The following HHATL variants were observed in gnomAD, a reference collection of about 807,000 sequenced individuals.
HHATL encodes the protein hedgehog acyltransferase like.
Under a neutral mutation model 59.7 loss-of-function variants are expected in HHATL, and 49 were observed. The ratio of observed to expected loss-of-function variants is 0.82; its 90% CI spans 0.65 to 1.04. HHATL has a LOEUF of 1.04. HHATL is among the 50% of genes least tolerant of loss of function. HHATL has a pLI of 0.00. For missense variants in HHATL, 605 were observed against 650.8 expected (o/e 0.93, Z 0.77); for synonymous variants, 238 against 257.3 (o/e 0.93, Z 0.72).
intron 9 of HHATL, among the ~76,000 whole-genome samples, chr3:42,694,949 C>T (rs1321207867): frequency 4.6e-5 from 7 of 152,220 alleles, no homozygotes; most frequent in African/African-American, 9.6e-5. Context: ...CCCCACTAGA[C>T]TGTAAGCTCC....
In HHATL at chr3:42,697,589, C is replaced by T. The variant is rs746586026; in HGVS notation, c.784G>A (p.Asp262Asn). Reference sequence around the variant, plus strand: ...ATGTAGAAGAAGTGAAAGAAGATGTCGACGGCCATGATGGCCACCACGCTT... The same window carrying T: ...ATGTAGAAGAAGTGAAAGAAGATGTTGACGGCCATGATGGCCACCACGCTT... Reference protein sequence around the residue: ...GLSVVAIMAVDIFFHFFYILT... With the variant: ...GLSVVAIMAVNIFFHFFYILT... Residue 262 changes from aspartate (D) to asparagine (N), a missense_variant, in exon 7 of 12, where the codon GAC (aspartate) becomes AAC (asparagine). Coordinates refer to ENST00000441594, the MANE Select transcript of HHATL (RefSeq NM_020707.4). 2.3e-5 allele frequency: 37 copies of T among 1,614,002 alleles called. No homozygotes were observed. Among genetic ancestry groups the T allele is most frequent in the South Asian group, 1.4e-4 (13 of 91,082 alleles).
At chr3:42,697,448 G>A in intron 7 of HHATL, 60 bp downstream of exon 7, 2 of 1,555,348 alleles carry the variant, frequency 1.3e-6, no homozygotes, top group African/African-American at 1.4e-5. Context: ...CCGTGGGGGT[G>A]CAGAGGGTCT....
chr3:42,700,318 G>A (rs953694209), intron 2 of HHATL, among the ~76,000 whole-genome samples: 4 of 147,676 alleles, frequency 2.7e-5, no homozygotes, highest in South Asian at 2.2e-4. Flanking sequence ...GGGGGTGTGT[G>A]TATATGTCTG....
At chr3:42,694,025 GTTTAC>G in intron 9 of HHATL, 1 of 589,374 alleles carries the variant, frequency 1.7e-6, no homozygotes, top group Non-Finnish European at 3.0e-6. Flanking sequence ...ATCTCTGTTC[GTTTAC>G]TTCCCAAATG....
Position 42,693,440 on chromosome 3 carries a change from A to G in HHATL, c.1248+177T>C, listed in dbSNP as rs1697443282. 4.0e-6 allele frequency: 3 copies of G among 752,768 alleles called. No homozygotes were observed. In the East Asian group the frequency reaches 8.1e-5, roughly 20 times the overall value. 46.6% of individuals were successfully genotyped at this position (752,768 alleles called of 1,614,324 possible). ...GCAAGGCCCAGGTGCTCCATTCCTC[A>G]TAGAAGGGAGGGAGGGGCAGATTCC... On this transcript the variant is annotated intron_variant, in intron 10 of 11. Transcript: ENST00000441594.
rs1286775845 is a variant in HHATL, at chr3:42,699,772, T to G, written c.160A>C (p.Ile54Leu). 6.3e-7 allele frequency: 1 copy of G among 1,580,868 alleles called. No homozygotes were observed. Among genetic ancestry groups the G allele is most frequent in the South Asian group, 1.2e-5 (1 of 86,224 alleles). ...GGGGGACCTACCATCTTCCGGCCAA[T>G]GTACTCCCAGCCAGGTCGCACAGAC... ...RESVRPGWEY[I>L]GRKMDVADFE... Residue 54 changes from isoleucine to leucine, a missense_variant, in exon 3 of 12, where the codon ATT becomes CTT. By Grantham distance (5) the Ile-to-Leu change is conservative. Transcript: ENST00000441594.
intron 10 of HHATL, 39 bp downstream of exon 10, chr3:42,693,578 T>A: frequency 6.4e-7 from 1 of 1,573,024 alleles, no homozygotes; most frequent in Non-Finnish European, 8.7e-7. Context: ...CCGCCCTCTA[T>A]GACCCAGCCA....
At chr3:42,702,148 C>T (rs1388405173) in intron 1 of HHATL, among the ~76,000 whole-genome samples, 1 of 152,256 alleles carries the variant, frequency 6.6e-6, no homozygotes, top group Non-Finnish European at 1.5e-5. Context: ...AGGCTGCCAG[C>T]CTGATGGCTG....
At chr3:42,698,078 G>T in intron 6 of HHATL, 64 bp downstream of exon 6, 1 of 1,500,034 alleles carries the variant, frequency 6.7e-7, no homozygotes. Context: ...TATCTGAGAT[G>T]GAAACCCCAA....
intron 9 of HHATL, 22 bp downstream of exon 9, chr3:42,696,819 AC>A (rs1391206940): frequency 4.3e-6 from 7 of 1,611,892 alleles, no homozygotes; most frequent in Non-Finnish European, 5.9e-6. Flanking sequence ...GGCTGTGACC[AC>A]CCCCACCCCA....
intron 6 of HHATL, among the ~76,000 whole-genome samples, chr3:42,697,906 G>A (rs339688): frequency 0.064 from 9,768 of 152,194 alleles, 999 homozygotes; most frequent in African/African-American, 0.22. Flanking sequence ...GGGAACATTC[G>A]TGGCCTGGGA....
intron 6 of HHATL, 140 bp from the exon 7 acceptor site, chr3:42,697,819 A>G (rs1575237836): frequency 3.3e-6 from 3 of 904,566 alleles, no homozygotes; most frequent in Non-Finnish European, 4.9e-6. Context: ...GACAGAGGTC[A>G]CCCTGGAGTC....
intron 2 of HHATL, among the ~76,000 whole-genome samples, chr3:42,700,444 CTG>C (rs33966867): frequency 0.29 from 43,000 of 146,032 alleles, 6,291 homozygotes; most frequent in African/African-American, 0.37. Context: ...GTCCAGGCCT[CTG>C]TGTGTGTGTG....
intron 1 of HHATL, 152 bp from the exon 2 acceptor site, chr3:42,700,991 GC>G (rs569846860): frequency 8.3e-6 from 5 of 603,378 alleles, no homozygotes; most frequent in Admixed American, 2.8e-5. Flanking sequence ...CTGCCCCTGT[GC>G]CCCCCACAGT....
chr3:42,692,941 C>T, intron 11 of HHATL, 66 bp from the exon 12 acceptor site: 1 of 1,589,088 alleles, frequency 6.3e-7, no homozygotes, highest in Non-Finnish European at 8.6e-7. Flanking sequence ...TTTGTCTTCC[C>T]ACCCCTCTCC....
intron 9 of HHATL, among the ~76,000 whole-genome samples, chr3:42,695,176 C>T (rs548942136): frequency 3.3e-5 from 5 of 152,206 alleles, no homozygotes; most frequent in Non-Finnish European, 2.9e-5. Flanking sequence ...TTTGTCACCA[C>T]TTGAAAGTTC....
intron 8 of HHATL, 33 bp downstream of exon 8, chr3:42,696,968 G>A (rs754773550): frequency 1.2e-6 from 2 of 1,613,152 alleles, no homozygotes; most frequent in Non-Finnish European, 1.7e-6. Flanking sequence ...TGGTCCCAGG[G>A]GGTGAGCCTC....
intron 3 of HHATL, among the ~76,000 whole-genome samples, chr3:42,699,481 A>T (rs1249408640): frequency 6.6e-6 from 1 of 151,992 alleles, no homozygotes; most frequent in Non-Finnish European, 1.5e-5. Flanking sequence ...GTTGCCTGCC[A>T]TTCCCCCTTT....
At position 42,697,033 on chromosome 3, in the gene HHATL, C is replaced by A. The variant is rs768931976; in HGVS notation, c.978G>T (p.Lys326Asn). The stretch of plus-strand genomic sequence containing the variant: ...CAAAGACGTAGAGTGCGGTGATGCA[C>A]TTGGGAGGCTGGGGTGGGTCCAGGT... ...LDHLDPPQPP[K>N]CITALYVFAE... Residue 326 changes from lysine to asparagine, a missense_variant, in exon 8 of 12, where the codon AAG becomes AAT. Transcript: ENST00000441594. The A allele has an allele frequency of 1.2e-6, 2 of 1,600,136 alleles. No homozygotes were observed. Among genetic ancestry groups the A allele is most frequent in the Non-Finnish European group, 1.7e-6 (2 of 1,171,756 alleles).
Sources: allele counts gnomAD v4.1 joint callset (sites outside exome capture counted in the v4.1 genomes callset), GRCh38; gene constraint gnomAD v4.1.1; transcripts MANE v1.5; gene names NCBI Gene and HGNC (gene_info 2026-07-23, HGNC 2026-07-21).